Variants in SEPTIN9 observed in about 807,000 individuals in gnomAD.
SEPTIN9 encodes the protein septin 9.
Under a neutral mutation model 56.6 loss-of-function variants are expected in SEPTIN9, and 13 were observed. That is an observed-to-expected ratio of 0.23 (90% CI 0.15 to 0.37). The LOEUF (loss-of-function observed/expected upper bound fraction) is 0.37. SEPTIN9 is among the 10% of genes least tolerant of loss of function. The pLI is 1.00. For synonymous variants in SEPTIN9, 332 were observed against 334.1 expected, an observed-to-expected ratio of 0.99 and a Z score of 0.07; for missense variants, 650 against 823.1, an observed-to-expected ratio of 0.79 and a Z score of 2.57.
At position 77,500,401 on chromosome 17, in the gene SEPTIN9, CA is replaced by C. The variant is rs2040451006; in HGVS notation, c.*1744del. The C allele has an allele frequency of 4.4e-6, 1 of 226,698 alleles. No individual in the cohort carries two copies. The highest frequency in any genetic ancestry group is 2.2e-5 in the African/African-American group (1 of 44,860). The allele number at this position is 226,698 out of a possible 1,614,324, so 14.0% of individuals were successfully genotyped here. ...GGTGGCGGGGTGGGGTGGGGGTGGG[CA>C]GCAGCATCCCAGCCTTGAGATGCTT... On this transcript the variant is annotated 3_prime_UTR_variant, in exon 12 of 12. Coordinates refer to ENST00000427177, the MANE Select transcript of SEPTIN9 (RefSeq NM_001113491.2).
At chr17:77,390,014 G>A (rs1226234536) in intron 2 of SEPTIN9, among the ~76,000 whole-genome samples, 2 of 152,190 alleles carry the variant, frequency 1.3e-5, no homozygotes, top group African/African-American at 4.8e-5. Context: ...GGGGCACGCG[G>A]TAGATGACGG....
chr17:77,443,489 A>G (rs74000246), intron 3 of SEPTIN9, among the ~76,000 whole-genome samples: 2 of 152,288 alleles, frequency 1.3e-5, no homozygotes, highest in Admixed American at 6.5e-5. Context: ...GCTTTTCAAG[A>G]AGGATATAAA....
chr17:77,470,465 T>C, intron 3 of SEPTIN9, among the ~76,000 whole-genome samples: 1 of 151,758 alleles, frequency 6.6e-6, no homozygotes, highest in Non-Finnish European at 1.5e-5. Flanking sequence ...TGTCTACTCA[T>C]CCACTCACCC....
chr17:77,363,110 C>T (rs562342395), intron 2 of SEPTIN9, among the ~76,000 whole-genome samples: 22 of 152,280 alleles, frequency 1.4e-4, no homozygotes, highest in Middle Eastern at 6.8e-3. Flanking sequence ...CACCAGGTGA[C>T]AGAGGCTGCC....
chr17:77,373,354 A>T (rs1598270278), intron 2 of SEPTIN9: 1 of 1,186,456 alleles, frequency 8.4e-7, no homozygotes, highest in East Asian at 3.8e-5. Context: ...CAGCTGAGCC[A>T]GGGGGCCTAG....
chr17:77,498,765 C>T lies in SEPTIN9; in HGVS notation c.*107C>T, dbSNP rs933259663. On this transcript the variant is annotated 3_prime_UTR_variant, in exon 12 of 12. Coordinates refer to ENST00000427177, the MANE Select transcript of SEPTIN9 (RefSeq NM_001113491.2). Reference sequence around the variant, plus strand: ...TTATATGATTTTCTCCATTTGTCATCGTTCCCCACCCCTTCGACATGCTGC... The same window carrying T: ...TTATATGATTTTCTCCATTTGTCATTGTTCCCCACCCCTTCGACATGCTGC... The T allele has an allele frequency of 5.9e-5, 39 of 658,552 alleles. No homozygotes were observed. The East Asian group carries it at 6.7e-4, about 11-fold the overall frequency. The allele number at this position is 658,552 out of a possible 1,614,324, so 40.8% of individuals were successfully genotyped here. A position where few individuals can be genotyped will look rare whatever the true frequency, so the allele number is the denominator to read the frequency against.
intron 3 of SEPTIN9, among the ~76,000 whole-genome samples, chr17:77,478,124 C>T (rs2039300941): frequency 6.6e-6 from 1 of 151,886 alleles, no homozygotes; most frequent in South Asian, 2.1e-4. Flanking sequence ...AGTGGCATTT[C>T]AGGAAAAAAA....
intron 2 of SEPTIN9, among the ~76,000 whole-genome samples, chr17:77,312,446 T>C (rs545090230): frequency 4.9e-4 from 75 of 152,284 alleles, no homozygotes; most frequent in Admixed American, 1.9e-3. Flanking sequence ...CTGGATGGGT[T>C]GCCACTTGTC....
intron 3 of SEPTIN9, among the ~76,000 whole-genome samples, chr17:77,466,815 G>A (rs2038756274): frequency 6.6e-6 from 1 of 152,232 alleles, no homozygotes; most frequent in Admixed American, 6.5e-5. Context: ...AGGCCTCGCA[G>A]GAGAGGGTCA....
intron 3 of SEPTIN9, among the ~76,000 whole-genome samples, chr17:77,443,910 G>C (rs2037641538): frequency 6.6e-6 from 1 of 152,194 alleles, no homozygotes; most frequent in Non-Finnish European, 1.5e-5. Flanking sequence ...AGGTGGAAAT[G>C]GGCCCTCCTG....
At chr17:77,412,724 TAAAAA>T (rs919702517) in intron 3 of SEPTIN9, among the ~76,000 whole-genome samples, 1 of 143,198 alleles carries the variant, frequency 7.0e-6, no homozygotes, top group Non-Finnish European at 1.5e-5. Context: ...AGATCCTGTC[TAAAAA>T]AAAAAAAGAG....
chr17:77,399,051 G>A (rs557784675), intron 2 of SEPTIN9, among the ~76,000 whole-genome samples: 9 of 152,218 alleles, frequency 5.9e-5, no homozygotes, highest in Admixed American at 3.9e-4. Context: ...CGCCAGCCAC[G>A]CAGACAACTG....
intron 2 of SEPTIN9, among the ~76,000 whole-genome samples, chr17:77,366,265 G>T (rs1043985384): frequency 3.3e-5 from 5 of 152,098 alleles, no homozygotes; most frequent in African/African-American, 1.2e-4. Context: ...TCTCATTTTT[G>T]TACTCCAGTC....
intron 3 of SEPTIN9, among the ~76,000 whole-genome samples, chr17:77,441,152 C>T (rs1256333032): frequency 6.6e-6 from 1 of 152,132 alleles, no homozygotes; most frequent in Non-Finnish European, 1.5e-5. Context: ...CTGGTTTGGG[C>T]CCAATTCAGA....
At position 77,402,738 on chromosome 17, in the gene SEPTIN9, GT is replaced by G. The variant is rs2035946162; in HGVS notation, c.721+36del. On this transcript the variant is annotated intron_variant, in intron 3 of 11. Transcript: ENST00000427177. The surrounding 1 kb of genome is among the most constrained non-coding windows in gnomAD (Gnocchi z 6.6). ...AGAGCGCTAGGTCTTGGATGCTGTG[GT>G]AATGGGGGGCCTGGTTGCTGGCTTT... 1 of 1,520,378 alleles carries G rather than the reference GT, an allele frequency of 6.6e-7. No individual in the cohort carries two copies. The highest frequency in any genetic ancestry group is 8.8e-7 in the Non-Finnish European group (1 of 1,136,876). 94.2% of individuals were successfully genotyped at this position (1,520,378 alleles called of 1,614,324 possible). A position where few individuals can be genotyped will look rare whatever the true frequency, so the allele number is the denominator to read the frequency against.
At chr17:77,461,080 G>A (rs1370931753) in intron 3 of SEPTIN9, among the ~76,000 whole-genome samples, 3 of 152,080 alleles carry the variant, frequency 2.0e-5, no homozygotes, top group Non-Finnish European at 4.4e-5. Context: ...TGAGGCGGGT[G>A]GATCACCTGA....
chr17:77,468,243 C>A (rs894515628), intron 3 of SEPTIN9, among the ~76,000 whole-genome samples: 1 of 151,966 alleles, frequency 6.6e-6, no homozygotes, highest in Non-Finnish European at 1.5e-5. Context: ...CCAGCCTGGG[C>A]GACAGAGTGA....
At chr17:77,489,371 G>A (rs1305179835) in intron 7 of SEPTIN9, among the ~76,000 whole-genome samples, 2 of 152,174 alleles carry the variant, frequency 1.3e-5, no homozygotes, top group East Asian at 1.9e-4. Flanking sequence ...GGCTCTGTCC[G>A]CACCTGACGT....
intron 3 of SEPTIN9, among the ~76,000 whole-genome samples, chr17:77,440,751 C>T (rs968566412): frequency 1.3e-5 from 2 of 152,264 alleles, no homozygotes; most frequent in African/African-American, 2.4e-5. Context: ...TCACTCTCCT[C>T]GCTGAGCCCT....
Sources: allele counts gnomAD v4.1 joint callset (sites outside exome capture counted in the v4.1 genomes callset), GRCh38; gene constraint gnomAD v4.1.1; non-coding constraint Gnocchi (gnomAD v3.1); transcripts MANE v1.5; gene names NCBI Gene and HGNC (gene_info 2026-07-23, HGNC 2026-07-21).